Variants in MYO5A observed in about 807,000 individuals in gnomAD.
The protein encoded by MYO5A is myosin VA.
In MYO5A, 98 loss-of-function variants were observed where a neutral mutation model predicts 249.7. The observed-to-expected ratio is 0.39, with a 90% CI of 0.33 to 0.46. The LOEUF (loss-of-function observed/expected upper bound fraction) is 0.46. Ranked by LOEUF, MYO5A falls within the 20% of genes least tolerant of loss-of-function variation. The pLI is 0.98. For synonymous variants in MYO5A, 778 were observed against 810.6 expected, an observed-to-expected ratio of 0.96 and a Z score of 0.68; for missense variants, 1,696 against 2,308.8, an observed-to-expected ratio of 0.73 and a Z score of 5.44.
chr15:52,318,641 C>T (rs1052765147), intron 39 of MYO5A, among the ~76,000 whole-genome samples: 13 of 151,884 alleles, frequency 8.6e-5, no homozygotes, highest in Admixed American at 7.2e-4. Flanking sequence ...AGGTATTTTT[C>T]CAAAAATATA....
intron 14 of MYO5A, 50 bp from the exon 15 acceptor site, chr15:52,384,372 G>A (rs1216522746): frequency 5.8e-6 from 9 of 1,555,494 alleles, no homozygotes; most frequent in East Asian, 4.5e-5. Flanking sequence ...AAACTTGAAC[G>A]CAAACCTTCA....
At chr15:52,458,844 T>C (rs1181734565) in intron 1 of MYO5A, among the ~76,000 whole-genome samples, 1 of 152,126 alleles carries the variant, frequency 6.6e-6, no homozygotes, top group African/African-American at 2.4e-5. Context: ...CATTTTCAAC[T>C]GTCAAATTTT....
At chr15:52,408,552 T>C (rs916097841) in intron 6 of MYO5A, among the ~76,000 whole-genome samples, 1 of 152,210 alleles carries the variant, frequency 6.6e-6, no homozygotes, top group Non-Finnish European at 1.5e-5. Flanking sequence ...TGCCATATTG[T>C]AGACTGGACC....
chr15:52,351,307 C>T lies in MYO5A; in HGVS notation c.3796G>A (p.Val1266Ile). 1 of 1,614,186 alleles carries T rather than the reference C, an allele frequency of 6.2e-7. No homozygotes were observed. Among genetic ancestry groups the T allele is most frequent in the East Asian group, 2.2e-5 (1 of 44,880 alleles). Residue 1266 changes from valine (V) to isoleucine (I), a missense_variant, in exon 28 of 42, where the codon GTC (valine) becomes ATC (isoleucine). By Grantham distance (29) the Val-to-Ile change is conservative. This residue lies in a region of MYO5A where 625 missense variants were observed against 908.1 expected (regional missense o/e 0.69). Transcript: ENST00000399233. ...ACCAGTTGAGACCTTAAGATGAGGA[C>T]TTCCTCCTTGCGGACATCAAGCTCC... is the stretch of plus-strand genomic sequence containing the variant. ...SEELDVRKEE[V>I]LILRSQLVSQ...
intron 4 of MYO5A, among the ~76,000 whole-genome samples, chr15:52,416,728 C>G (rs192563906): frequency 6.6e-6 from 1 of 152,208 alleles, no homozygotes; most frequent in Admixed American, 6.5e-5. Flanking sequence ...CATTTCTTTT[C>G]AAGAAAAAAC....
chr15:52,415,871 T>C (rs2043458198), intron 5 of MYO5A: 3 of 458,984 alleles, frequency 6.5e-6, no homozygotes, highest in Non-Finnish European at 1.2e-5. Flanking sequence ...ACTTAATTGC[T>C]GCCTGGTATT....
At chr15:52,364,491 C>G in intron 24 of MYO5A, 63 bp downstream of exon 24, 1 of 1,475,954 alleles carries the variant, frequency 6.8e-7, no homozygotes, top group East Asian at 2.4e-5. Context: ...TTCTACTATT[C>G]TATTTACTTT....
At chr15:52,507,032 T>C (rs1490172990) in intron 1 of MYO5A, among the ~76,000 whole-genome samples, 2 of 152,034 alleles carry the variant, frequency 1.3e-5, no homozygotes, top group Non-Finnish European at 2.9e-5. Context: ...GAGAAGCTAC[T>C]TTTTTTTCCC....
intron 4 of MYO5A, among the ~76,000 whole-genome samples, chr15:52,420,941 T>A (rs915698879): frequency 1.3e-5 from 2 of 152,196 alleles, no homozygotes; most frequent in African/African-American, 2.4e-5. Flanking sequence ...GCATATGGCC[T>A]GGACAAGCTA....
At chr15:52,468,912 A>G (rs1401492255) in intron 1 of MYO5A, among the ~76,000 whole-genome samples, 1 of 152,168 alleles carries the variant, frequency 6.6e-6, no homozygotes, top group Non-Finnish European at 1.5e-5. Context: ...TGTACTTTAC[A>G]TACTTCCATA....
chr15:52,346,595 C>T, intron 29 of MYO5A, 134 bp from the exon 30 acceptor site: 1 of 709,024 alleles, frequency 1.4e-6, no homozygotes, highest in Non-Finnish European at 2.6e-6. Flanking sequence ...AAGCATCAGC[C>T]CCAACCTCAT....
chr15:52,425,942 G>C lies in MYO5A; in HGVS notation c.343C>G (p.Gln115Glu). ...IVLVAINPYE[Q>E]LPIYGEDIIN... is the part of the protein sequence containing the mutation. ...ATATCTTCTCCATAAATAGGCAGCT[G>C]TTCATAGGGATTTATAGCTACTAGG... The change falls in exon 4 of 42, where the codon CAG becomes GAG. Residue 115 changes from glutamine to glutamate, a missense_variant. Gln to Glu is a conservative substitution (Grantham distance 29, BLOSUM62 2). Around this residue, in one of 5 missense-constraint regions of MYO5A, gnomAD observed 197 missense variants for 320.3 expected, o/e 0.62. Coordinates refer to ENST00000399233, the MANE Select transcript of MYO5A (RefSeq NM_001382347.1). 6.2e-7 allele frequency: 1 copy of C among 1,613,060 alleles called. No homozygotes were observed. The highest frequency in any genetic ancestry group is 8.5e-7 in the Non-Finnish European group (1 of 1,179,152).
chr15:52,425,787 A>G, intron 4 of MYO5A, 43 bp downstream of exon 4: 1 of 1,603,292 alleles, frequency 6.2e-7, no homozygotes, highest in Non-Finnish European at 8.5e-7. Flanking sequence ...AAATTATCAT[A>G]TCTAATAACT....
chr15:52,310,693 G>A lies in MYO5A; in HGVS notation c.*3003C>T, dbSNP rs1379378335. 1.3e-5 allele frequency: 2 copies of A among 152,370 alleles called. No homozygotes were observed. The highest frequency in any genetic ancestry group is 4.8e-5 in the African/African-American group (2 of 41,468). 9.4% of individuals were successfully genotyped at this position (152,370 alleles called of 1,614,324 possible). A position where few individuals can be genotyped will look rare whatever the true frequency, so the allele number is the denominator to read the frequency against. ...AACGGGATAGACGATTAAGTTGAGG[G>A]AAGGGGAAGAGTGAATGAGTAGGGG... On this transcript the variant is annotated 3_prime_UTR_variant, in exon 42 of 42. Transcript: ENST00000399233.
rs149412770 is a variant in MYO5A at position 52,403,911 on chromosome 15, G to A, written c.1053+1376C>T. Among the ~76,000 whole-genome samples the A allele has an allele frequency of 5.5e-3, 836 of 152,272 alleles. 6 individuals carry two copies. The highest frequency in any genetic ancestry group is 0.019 in the African/African-American group (783 of 41,544). ...TCATAAAGAAAATCGTAAGGATCAA[G>A]CTTTCTGTAAACCAAACTGTCTGCC... On this transcript the variant is annotated intron_variant, in intron 9 of 41. Coordinates refer to ENST00000399233, the MANE Select transcript of MYO5A (RefSeq NM_001382347.1).
intron 1 of MYO5A, among the ~76,000 whole-genome samples, chr15:52,487,486 G>A (rs1449593748): frequency 6.6e-6 from 1 of 152,036 alleles, no homozygotes; most frequent in Non-Finnish European, 1.5e-5. Context: ...CACTTTGGGA[G>A]GCCGAGGCAA....
chr15:52,448,821 A>T (rs928281432), intron 1 of MYO5A, among the ~76,000 whole-genome samples: 1 of 151,912 alleles, frequency 6.6e-6, no homozygotes, highest in South Asian at 2.1e-4. Context: ...ACCTTCTGCC[A>T]TGATTGTAAA....
intron 29 of MYO5A, among the ~76,000 whole-genome samples, chr15:52,347,760 A>C (rs2039715761): frequency 1.3e-5 from 2 of 152,236 alleles, no homozygotes; most frequent in Non-Finnish European, 2.9e-5. Context: ...TTTACATTTT[A>C]TTGAATTTTA....
Position 52,321,515 on chromosome 15 carries a change from G to T in MYO5A, c.4801-6C>A. On this transcript the variant is annotated splice_polypyrimidine_tract_variant and splice_region_variant and intron_variant, in intron 37 of 41. Transcript: ENST00000399233. Reference sequence around the variant, plus strand: ...GTGTTGTGCTTCATAAAGCCCTAGAGTCATAAGGCAAAGTTAATGATACAC... The same window carrying T: ...GTGTTGTGCTTCATAAAGCCCTAGATTCATAAGGCAAAGTTAATGATACAC... The T allele has an allele frequency of 1.2e-6, 2 of 1,614,082 alleles. No individual in the cohort carries two copies. Among genetic ancestry groups the T allele is most frequent in the Non-Finnish European group, 1.7e-6 (2 of 1,179,920 alleles).
Sources: gnomAD v4.1 joint callset for allele counts (sites outside exome capture counted in the v4.1 genomes callset) on GRCh38, gnomAD v4.1.1 for gene constraint, gnomAD v4.1.1 regional missense constraint, MANE v1.5 for transcripts, NCBI Gene and HGNC (gene_info 2026-07-23, HGNC 2026-07-21) for gene names.